Variants in LRRC28 observed in about 807,000 individuals in gnomAD.
The protein encoded by LRRC28 is leucine rich repeat containing 28.
In LRRC28, 39 loss-of-function variants were observed where a neutral mutation model predicts 45.7. The observed-to-expected ratio is 0.85, with a 90% CI of 0.66 to 1.12. The LOEUF (loss-of-function observed/expected upper bound fraction) is 1.12. LRRC28 is among the 50% of genes most tolerant of loss of function. LRRC28 has a pLI of 0.00. For synonymous variants in LRRC28, 206 were observed against 178.8 expected (o/e 1.15, Z -1.22); for missense variants, 435 against 438.5 (o/e 0.99, Z 0.07).
intron 5 of LRRC28, among the ~76,000 whole-genome samples, chr15:99,309,651 C>T (rs1458880901): frequency 2.6e-5 from 4 of 152,210 alleles, no homozygotes. Flanking sequence ...TCGTGATCTG[C>T]CTGCCTTGGC....
chr15:99,346,598 A>G (rs190693718), intron 6 of LRRC28, among the ~76,000 whole-genome samples: 189 of 152,322 alleles, frequency 1.2e-3, no homozygotes, highest in Non-Finnish European at 2.2e-3. Flanking sequence ...TTTCTAGAAC[A>G]TTAATTTTTT....
rs189715049 is a variant in LRRC28, at chr15:99,275,861, A to G, written c.169-715A>G. Among the ~76,000 whole-genome samples the G allele has an allele frequency of 5.3e-3, 814 of 152,216 alleles. 7 individuals carry two copies. The highest frequency in any genetic ancestry group is 0.01 in the Middle Eastern group (3 of 294). ...GGTTTCTCTAAGGCAGGGGTCCCCA[A>G]TCCCTGGGCCACAGACCTGGTACCT... On this transcript the variant is annotated intron_variant, in intron 2 of 9. Coordinates refer to ENST00000301981, the MANE Select transcript of LRRC28 (RefSeq NM_144598.5).
chr15:99,264,721 A>G (rs975535063), intron 2 of LRRC28, among the ~76,000 whole-genome samples: 1 of 152,092 alleles, frequency 6.6e-6, no homozygotes, highest in African/African-American at 2.4e-5. Flanking sequence ...TTTTTCTTCT[A>G]TTCTTCCCTT....
intron 5 of LRRC28, among the ~76,000 whole-genome samples, chr15:99,312,354 G>A (rs1373062939): frequency 1.3e-5 from 2 of 152,090 alleles, no homozygotes; most frequent in Non-Finnish European, 2.9e-5. Flanking sequence ...TATTAGTCTA[G>A]GCCTACACAG....
rs115653949 is a variant in LRRC28, at chr15:99,285,250, A to G, written c.210-2007A>G. On this transcript the variant is annotated intron_variant, in intron 3 of 9. Transcript: ENST00000301981. The stretch of plus-strand genomic sequence containing the variant: ...GTTCTTCAGTGTCTTCTTTAATGTC[A>G]TCAACAAATATCTTTTTCACAGTTA... 4,636 of 733,354 alleles carry G rather than the reference A, an allele frequency of 6.3e-3. 140 individuals are homozygous for G. The African/African-American group carries it at 0.07, about 11-fold the overall frequency. 45.4% of individuals were successfully genotyped at this position (733,354 alleles called of 1,614,324 possible). A position where few individuals can be genotyped will look rare whatever the true frequency, so the allele number is the denominator to read the frequency against.
In LRRC28 at chr15:99,287,823, C is replaced by G; in HGVS notation, c.257C>G (p.Ser86Cys). The G allele has an allele frequency of 1.2e-6, 2 of 1,610,086 alleles. No individual in the cohort carries two copies. The highest frequency in any genetic ancestry group is 2.7e-5 in the African/African-American group (2 of 74,866). Residue 86 changes from serine to cysteine, a missense_variant, in exon 5 of 10, where the codon TCT (serine) becomes TGT (cysteine). Transcript: ENST00000301981. ...CCTTTTCTCTTTGAAGCCATTGGGT[C>G]TCTTGTAAAACTCCAATGTCTGGAT... ...NIVVVPEAIGSLVKLQCLDLS... is the reference protein window; with the variant it reads ...NIVVVPEAIGCLVKLQCLDLS...
intron 5 of LRRC28, among the ~76,000 whole-genome samples, chr15:99,332,581 TATGTTCTCTGTCAC>T (rs760276512): frequency 4.6e-5 from 7 of 152,334 alleles, no homozygotes; most frequent in Middle Eastern, 3.4e-3. Context: ...GCAGGCCACA[TATGTTCTCTGTCAC>T]ATGTTCTTTG....
At chr15:99,359,463 C>A in intron 7 of LRRC28, among the ~76,000 whole-genome samples, 1 of 152,110 alleles carries the variant, frequency 6.6e-6, no homozygotes, top group East Asian at 1.9e-4. Context: ...TCATTAGTAA[C>A]CAAGGAGGCA....
At chr15:99,301,907 T>G (rs1314030002) in intron 5 of LRRC28, among the ~76,000 whole-genome samples, 1 of 152,182 alleles carries the variant, frequency 6.6e-6, no homozygotes, top group Non-Finnish European at 1.5e-5. Context: ...TATACTGATT[T>G]ACAATGTGTG....
chr15:99,284,881 C>T (rs1260287737), intron 3 of LRRC28: 8 of 577,046 alleles, frequency 1.4e-5, no homozygotes, highest in African/African-American at 1.3e-4. Flanking sequence ...TATCTACCAT[C>T]ACCATGGCTG....
chr15:99,283,769 C>T (rs1236041646), intron 3 of LRRC28, among the ~76,000 whole-genome samples: 1 of 151,970 alleles, frequency 6.6e-6, no homozygotes, highest in African/African-American at 2.4e-5. Context: ...AGTGACATTC[C>T]CCACCAACAA....
chr15:99,320,657 C>G (rs183620449), intron 5 of LRRC28: 3 of 152,284 alleles, frequency 2.0e-5, no homozygotes, highest in Non-Finnish European at 4.4e-5. Context: ...TTGAGCCCTA[C>G]AAGCAGTCAC....
intron 9 of LRRC28, among the ~76,000 whole-genome samples, chr15:99,375,590 T>C (rs143350540): frequency 1.4e-3 from 207 of 152,334 alleles, no homozygotes; most frequent in African/African-American, 4.1e-3. Flanking sequence ...CCAGTGAAAC[T>C]ATCTGGGCAG....
intron 9 of LRRC28, among the ~76,000 whole-genome samples, chr15:99,370,355 G>A (rs1024862377): frequency 6.6e-5 from 10 of 152,132 alleles, no homozygotes; most frequent in African/African-American, 1.7e-4. Context: ...AGGTACTTTC[G>A]AAATATATGT....
intron 6 of LRRC28, among the ~76,000 whole-genome samples, chr15:99,342,974 G>C (rs753612933): frequency 6.6e-6 from 1 of 151,916 alleles, no homozygotes; most frequent in Non-Finnish European, 1.5e-5. Flanking sequence ...GTGGTTGAAG[G>C]GTTCTCTTTG....
intron 5 of LRRC28, among the ~76,000 whole-genome samples, chr15:99,310,449 T>C (rs1955362360): frequency 6.6e-6 from 1 of 152,250 alleles, no homozygotes. Context: ...TGGATCAGGC[T>C]GATAACACTA....
chr15:99,350,911 C>A (rs1006362521), intron 6 of LRRC28, among the ~76,000 whole-genome samples: 5 of 152,174 alleles, frequency 3.3e-5, no homozygotes, highest in Admixed American at 1.3e-4. Context: ...ACGATCCTTT[C>A]ACCTCTCCTG....
At chr15:99,345,799 T>A (rs1956661066) in intron 6 of LRRC28, among the ~76,000 whole-genome samples, 1 of 152,242 alleles carries the variant, frequency 6.6e-6, no homozygotes, top group South Asian at 2.1e-4. Flanking sequence ...ACAATTTTTT[T>A]AAACATTCAG....
intron 2 of LRRC28, chr15:99,258,616 G>A (rs1418179610): frequency 5.3e-6 from 4 of 757,184 alleles, no homozygotes; most frequent in Non-Finnish European, 9.5e-6. Context: ...GTCTGTGAAT[G>A]GGAACTTATG....
Sources: gnomAD v4.1 joint callset for allele counts (sites outside exome capture counted in the v4.1 genomes callset) on GRCh38, gnomAD v4.1.1 for gene constraint, MANE v1.5 for transcripts, NCBI Gene and HGNC (gene_info 2026-07-23, HGNC 2026-07-21) for gene names.